The following EDRF1 variants were observed in gnomAD, a reference collection of about 807,000 sequenced individuals.
The protein encoded by EDRF1 is erythroid differentiation-related factor 1.
Under a neutral mutation model 148.7 loss-of-function variants are expected in EDRF1, and 69 were observed. That is an observed-to-expected ratio of 0.46 (90% CI 0.38 to 0.57). EDRF1 has a LOEUF of 0.57. Among genes scored for constraint, EDRF1 ranks in the 20% least tolerant of loss-of-function variants. The probability of loss-of-function intolerance (pLI) is 0.00; values close to 1 mark genes in which losing one functional copy is unlikely to be tolerated. For synonymous variants in EDRF1, 515 were observed against 532.8 expected (o/e 0.97, Z 0.46); for missense variants, 1,118 against 1,478.7 (o/e 0.76, Z 4.00).
Position 125,742,752 on chromosome 10 carries a change from T to C in EDRF1, c.2372-306T>C, listed in dbSNP as rs117222142. Reference sequence around the variant, plus strand: ...TAAAAATAGCAACTTTACTTTGTATTAGTGGACAACTTTAGGTCCATTCTA... The same window carrying C: ...TAAAAATAGCAACTTTACTTTGTATCAGTGGACAACTTTAGGTCCATTCTA... On this transcript the variant is annotated intron_variant, in intron 17 of 24. Coordinates refer to ENST00000356792, the MANE Select transcript of EDRF1 (RefSeq NM_001202438.2). The C allele has an allele frequency of 7.5e-3, 7,399 of 985,084 alleles. 46 individuals are homozygous for C. The highest frequency in any genetic ancestry group is 8.6e-3 in the Non-Finnish European group (7,165 of 829,578). 61.0% of individuals were successfully genotyped at this position (985,084 alleles called of 1,614,324 possible). A position where few individuals can be genotyped will look rare whatever the true frequency, so the allele number is the denominator to read the frequency against.
intron 15 of EDRF1, among the ~76,000 whole-genome samples, chr10:125,739,366 C>G (rs568498551): frequency 6.6e-6 from 1 of 152,296 alleles, no homozygotes; most frequent in Admixed American, 6.5e-5. Context: ...GTCTCCTTCT[C>G]CATCTCCCCT....
chr10:125,737,403 C>T lies in EDRF1; in HGVS notation c.1759-515C>T, dbSNP rs183292589. Among the ~76,000 whole-genome samples the T allele has an allele frequency of 1.9e-3, 289 of 152,274 alleles. No homozygotes were observed. The Middle Eastern group carries it at 0.031, about 16-fold the overall frequency. On this transcript the variant is annotated intron_variant, in intron 13 of 24. Transcript: ENST00000356792. ...CCAGGGTCCCAGCTCCCCACTCACTCACCGTGTCCTCAGACAAATTGCTAA... is the reference window on the plus strand; with the variant it reads ...CCAGGGTCCCAGCTCCCCACTCACTTACCGTGTCCTCAGACAAATTGCTAA...
At position 125,747,303 on chromosome 10, in the gene EDRF1, C is replaced by T. The variant is rs1849409903; in HGVS notation, c.2815-233C>T. 5.4e-6 allele frequency: 3 copies of T among 550,764 alleles called. No individual in the cohort carries two copies. The Admixed American group carries it at 9.4e-5, about 17-fold the overall frequency. 34.1% of individuals were successfully genotyped at this position (550,764 alleles called of 1,614,324 possible). A position where few individuals can be genotyped will look rare whatever the true frequency, so the allele number is the denominator to read the frequency against. On this transcript the variant is annotated intron_variant, in intron 19 of 24. Transcript: ENST00000356792. ...AGAAAGCAGCAGCACGGATTGGCTT[C>T]TTGTAGCCTTGAGATGGGAACACAG...
intron 17 of EDRF1, chr10:125,742,701 T>C (rs2133725365): frequency 1.0e-6 from 1 of 984,634 alleles, no homozygotes; most frequent in African/African-American, 1.7e-5. Context: ...TATTGGGACA[T>C]TATTTCAAGA....
At chr10:125,755,532 CTCTT>C (rs1285335799) in intron 24 of EDRF1, among the ~76,000 whole-genome samples, 6 of 152,126 alleles carry the variant, frequency 3.9e-5, no homozygotes, top group Non-Finnish European at 7.4e-5. Context: ...TTCATGTTCC[CTCTT>C]CTGTTTTCTG....
chr10:125,748,286 T>C (rs1365370928), intron 21 of EDRF1: 2 of 501,060 alleles, frequency 4.0e-6, no homozygotes, highest in Non-Finnish European at 7.3e-6. Context: ...TTGAGATACA[T>C]CTGTGTTGGC....
intron 6 of EDRF1, 157 bp downstream of exon 6, chr10:125,725,995 G>T: frequency 1.2e-6 from 1 of 868,730 alleles, no homozygotes; most frequent in East Asian, 2.7e-5. Flanking sequence ...TGGAATTGGA[G>T]AAATACTTTT....
In EDRF1 at chr10:125,719,756, C is replaced by T; in HGVS notation, c.-52C>T. 2 of 1,456,616 alleles carry T rather than the reference C, an allele frequency of 1.4e-6. No individual in the cohort carries two copies. Among genetic ancestry groups the T allele is most frequent in the Non-Finnish European group, 1.9e-6 (2 of 1,060,996 alleles). 90.2% of individuals were successfully genotyped at this position (1,456,616 alleles called of 1,614,324 possible). Reference sequence around the variant, plus strand: ...CTTACCCTGCTTTGGGCCTGCGTTGCTGCTGCTGCTCCTCCGCTCCCCCGT... The same window carrying T: ...CTTACCCTGCTTTGGGCCTGCGTTGTTGCTGCTGCTCCTCCGCTCCCCCGT... On this transcript the variant is annotated 5_prime_UTR_variant, in exon 1 of 25. Coordinates refer to ENST00000356792, the MANE Select transcript of EDRF1 (RefSeq NM_001202438.2).
chr10:125,756,983 T>A (rs117009922), intron 24 of EDRF1: 7,573 of 409,138 alleles, frequency 0.019, 90 homozygotes, highest in Middle Eastern at 0.032. Context: ...CAACTAATTT[T>A]TTAATTTTTT....
At position 125,719,753 on chromosome 10, in the gene EDRF1, T is replaced by TTGC. The variant is rs1286433858; in HGVS notation, c.-44_-42dup. ...GCGCTTACCCTGCTTTGGGCCTGCG[T>TTGC]TGCTGCTGCTGCTCCTCCGCTCCCC... is the stretch of plus-strand genomic sequence containing the variant. On this transcript the variant is annotated 5_prime_UTR_variant, in exon 1 of 25. Coordinates refer to ENST00000356792, the MANE Select transcript of EDRF1 (RefSeq NM_001202438.2). 1.4e-6 allele frequency: 2 copies of TTGC among 1,458,638 alleles called. No homozygotes were observed. Among genetic ancestry groups the TTGC allele is most frequent in the African/African-American group, 1.4e-5 (1 of 71,624 alleles). 90.4% of individuals were successfully genotyped at this position (1,458,638 alleles called of 1,614,324 possible).
At position 125,737,371 on chromosome 10, in the gene EDRF1, A is replaced by AT. The variant is rs376186529; in HGVS notation, c.1759-546dup. Among the ~76,000 whole-genome samples, 115 of 152,286 alleles carry AT rather than the reference A, an allele frequency of 7.6e-4. 2 individuals carry two copies. The highest frequency in any genetic ancestry group is 2.7e-3 in the African/African-American group (113 of 41,572). On this transcript the variant is annotated intron_variant, in intron 13 of 24. Transcript: ENST00000356792. ...TGACTTTGTGGTATGGACAGTCAGC[A>AT]TGAGCTCCAGGGTCCCAGCTCCCCA...
intron 19 of EDRF1, 115 bp downstream of exon 19, chr10:125,746,045 TA>T: frequency 2.2e-6 from 2 of 904,556 alleles, no homozygotes; most frequent in Non-Finnish European, 3.5e-6. Flanking sequence ...CTGCTAATGA[TA>T]CAACACCAGA....
intron 6 of EDRF1, among the ~76,000 whole-genome samples, chr10:125,727,247 C>T (rs1389361207): frequency 6.6e-6 from 1 of 152,294 alleles, no homozygotes; most frequent in Non-Finnish European, 1.5e-5. Context: ...GTCAGATCAT[C>T]GTAGTAGTGG....
At chr10:125,759,777 C>T (rs759550082) in intron 24 of EDRF1, among the ~76,000 whole-genome samples, 1 of 151,840 alleles carries the variant, frequency 6.6e-6, no homozygotes, top group African/African-American at 2.4e-5. Context: ...GTGGCGCAAT[C>T]TCGGCTCACT....
intron 17 of EDRF1, chr10:125,742,203 CTG>C (rs1330250736): frequency 1.6e-6 from 2 of 1,286,820 alleles, no homozygotes; most frequent in African/African-American, 1.5e-5. Flanking sequence ...ATATGTCACT[CTG>C]TTTGGAATTG....
In EDRF1 at chr10:125,759,721, T is replaced by A. The variant is rs372716021; in HGVS notation, c.3546-3580T>A. Among the ~76,000 whole-genome samples the A allele has an allele frequency of 1.6e-3, 238 of 152,236 alleles. 4 individuals carry two copies. Among genetic ancestry groups the A allele is most frequent in the African/African-American group, 2.5e-3 (106 of 41,574 alleles). On this transcript the variant is annotated intron_variant, in intron 24 of 24. Coordinates refer to ENST00000356792, the MANE Select transcript of EDRF1 (RefSeq NM_001202438.2). ...TGTGTGTTTTTATTTTTATTTATTT[T>A]TTTTTTTGAGACAGAGTCTCGCTCT...
intron 24 of EDRF1, chr10:125,761,108 C>T (rs1241880768): frequency 8.0e-6 from 2 of 249,440 alleles, no homozygotes; most frequent in Admixed American, 5.7e-5. Context: ...ACTTCATGCC[C>T]TCTGGCAAAA....
chr10:125,730,330 T>C lies in EDRF1; in HGVS notation c.1059T>C (p.Tyr353=). The C allele has an allele frequency of 6.2e-7, 1 of 1,614,016 alleles. No homozygotes were observed. The highest frequency in any genetic ancestry group is 1.6e-4 in the Middle Eastern group (1 of 6,062). Reference sequence around the variant, plus strand: ...TTAATGTGCTAACTGGAATTGACTATTGGTTGGACAACTTGATATGCAATG... The same window carrying C: ...TTAATGTGCTAACTGGAATTGACTACTGGTTGGACAACTTGATATGCAATG... ...KPINVLTGID[Y]WLDNLICNVP... is the part of the protein sequence containing the mutation. The change falls in exon 9 of 25, where the codon TAT becomes TAC. Residue 353 remains tyrosine, a synonymous_variant. Coordinates refer to ENST00000356792, the MANE Select transcript of EDRF1 (RefSeq NM_001202438.2).
At chr10:125,762,110 G>A (rs1012712094) in intron 24 of EDRF1, among the ~76,000 whole-genome samples, 3 of 152,136 alleles carry the variant, frequency 2.0e-5, no homozygotes, top group Admixed American at 6.6e-5. Context: ...TAAAGGCAGC[G>A]ATGGGGATCC....
Sources: allele counts gnomAD v4.1 joint callset (sites outside exome capture counted in the v4.1 genomes callset), GRCh38; gene constraint gnomAD v4.1.1; transcripts MANE v1.5; gene names NCBI Gene and HGNC (gene_info 2026-07-23, HGNC 2026-07-21).